The following KRT1 variants were observed in gnomAD, a reference collection of about 807,000 sequenced individuals.
The protein encoded by KRT1 is keratin 1, also known as keratin, type II cytoskeletal 1.
Under a neutral mutation model 51.6 loss-of-function variants are expected in KRT1, and 28 were observed. The observed-to-expected ratio is 0.54, with a 90% CI of 0.40 to 0.74. KRT1 has a LOEUF of 0.74. Ranked by LOEUF, KRT1 falls within the 30% of genes least tolerant of loss-of-function variation. KRT1 has a pLI of 0.00. For missense variants in KRT1, 783 were observed against 815.5 expected (o/e 0.96, Z 0.49); for synonymous variants, 301 against 307.7 (o/e 0.98, Z 0.23).
rs139428176 is a variant in KRT1, at chr12:52,677,462, T to A, written c.982A>T (p.Thr328Ser). The A allele has an allele frequency of 1.8e-3, 2,881 of 1,614,172 alleles. 11 individuals carry two copies. The highest frequency in any genetic ancestry group is 2.1e-3 in the Non-Finnish European group (2,485 of 1,180,040). ...ATGACATTAGTTTCACTGATTTGAGTCTGCATCTGAGACAACTCCTGCAAG... is the reference window on the plus strand; with the variant it reads ...ATGACATTAGTTTCACTGATTTGAGACTGCATCTGAGACAACTCCTGCAAG... ...LYQAELSQMQ[T>S]QISETNVILS... The change falls in exon 5 of 9, where the codon ACT becomes TCT. Residue 328 changes from threonine (T) to serine (S), a missense_variant. By Grantham distance (58) the Thr-to-Ser change is moderately conservative. Transcript: ENST00000252244.
At chr12:52,676,574 G>A (rs1941507221) in intron 6 of KRT1, 79 bp from the exon 7 acceptor site, 24 of 1,421,178 alleles carry the variant, frequency 1.7e-5, no homozygotes, top group Middle Eastern at 4.1e-4. Context: ...CCCCACTCCA[G>A]TGAGGCCAAT....
At position 52,676,383 on chromosome 12, in the gene KRT1, T is replaced by C. The variant is rs1565646760; in HGVS notation, c.1367A>G (p.Glu456Gly). 2 of 1,614,162 alleles carry C rather than the reference T, an allele frequency of 1.2e-6. No homozygotes were observed. Among genetic ancestry groups the C allele is most frequent in the Non-Finnish European group, 1.7e-6 (2 of 1,179,982 alleles). Reference sequence around the variant, plus strand: ...GTCGCGCAGCAGGCGGGCCAGGTCTTCCTTGGCCTGCTGCAGGGCATCCTC... The same window carrying C: ...GTCGCGCAGCAGGCGGGCCAGGTCTCCCTTGGCCTGCTGCAGGGCATCCTC... ...DLEDALQQAK[E>G]DLARLLRDYQ... Residue 456 changes from glutamate to glycine, a missense_variant, in exon 7 of 9, where the codon GAA becomes GGA. Transcript: ENST00000252244.
Position 52,677,666 on chromosome 12 carries a change from G to A in KRT1, c.947C>T (p.Thr316Ile). The A allele has an allele frequency of 1.2e-6, 2 of 1,614,176 alleles. No homozygotes were observed. The highest frequency in any genetic ancestry group is 2.2e-5 in the East Asian group (1 of 44,884). ...DNLQQEIDFLTALYQAELSQM... is the reference protein window; with the variant it reads ...DNLQQEIDFLIALYQAELSQM... The stretch of plus-strand genomic sequence containing the variant: ...AAGACTTACTGCTTGGTAGAGTGCT[G>A]TAAGGAAATCAATTTCCTGCTGCAA... Residue 316 changes from threonine (T) to isoleucine (I), a missense_variant, in exon 4 of 9, where the codon ACA becomes ATA. Thr to Ile is a moderately conservative substitution (Grantham distance 89). Coordinates refer to ENST00000252244, the MANE Select transcript of KRT1 (RefSeq NM_006121.4).
rs886049636 is a variant in KRT1 at position 52,679,975 on chromosome 12, C to T, written c.374G>A (p.Gly125Asp). ...GCCACCTCCACCAAAACCACCACCA[C>T]CACTGCCAAAACCACCAAAGCCACC... ...GGGGFGGFGS[G>D]GGGFGGGGFG... Residue 125 changes from glycine (G) to aspartate (D), a missense_variant, in exon 1 of 9, where the codon GGT becomes GAT. Transcript: ENST00000252244. The T allele has an allele frequency of 3.1e-6, 5 of 1,609,358 alleles. No individual in the cohort carries two copies. The highest frequency in any genetic ancestry group is 1.7e-5 in the Admixed American group (1 of 58,992).
At position 52,676,315 on chromosome 12, in the gene KRT1, T is replaced by C. The variant is rs61218439; in HGVS notation, c.1435A>G (p.Ile479Val). 6.8e-6 allele frequency: 11 copies of C among 1,613,972 alleles called. No homozygotes were observed. The highest frequency in any genetic ancestry group is 9.3e-6 in the Non-Finnish European group (11 of 1,180,016). Reference sequence around the variant, plus strand: ...TCCAGGAGGGTCCTGTAGGTGGCAATCTCCAGATCCAGGGCCAGCTTTGTG... The same window carrying C: ...TCCAGGAGGGTCCTGTAGGTGGCAACCTCCAGATCCAGGGCCAGCTTTGTG... ...MNTKLALDLE[I>V]ATYRTLLEGE... Residue 479 changes from isoleucine to valine, a missense_variant, in exon 7 of 9, where the codon ATT (isoleucine) becomes GTT (valine). Physicochemically the swap from Ile to Val is conservative, Grantham distance 29. Coordinates refer to ENST00000252244, the MANE Select transcript of KRT1 (RefSeq NM_006121.4).
Position 52,680,231 on chromosome 12 carries a change from C to G in KRT1, c.118G>C (p.Gly40Arg), listed in dbSNP as rs1941566032. Residue 40 changes from glycine to arginine, a missense_variant, in exon 1 of 9, where the codon GGA (glycine) becomes CGA (arginine). Gly to Arg is a moderately radical substitution (Grantham distance 125). Coordinates refer to ENST00000252244, the MANE Select transcript of KRT1 (RefSeq NM_006121.4). ...CTTGAAAATCTCCCACCACCTCCTC[C>G]ACTGCGGCGTGTGGAGCTGCTGGTG... ...RTTSSSTRRS[G>R]GGGGRFSSCG... 1.2e-6 allele frequency: 2 copies of G among 1,614,078 alleles called. No homozygotes were observed.
Position 52,679,959 on chromosome 12 carries a change from ACCAAAACCACCACCACCACTG to A in KRT1, c.369_389del (p.Ser124_Gly130del), listed in dbSNP as rs780301845. On this transcript the variant is annotated inframe_deletion, in exon 1 of 9. Transcript: ENST00000252244. ...ATCCACCACCCCCAAAGCCACCTCCACCAAAACCACCACCACCACTGCCAAAACCACCAAAGCCACCACCCC... is the reference window on the plus strand; with the variant it reads ...ATCCACCACCCCCAAAGCCACCTCCACCAAAACCACCAAAGCCACCACCCC... 5.6e-6 allele frequency: 9 copies of A among 1,611,528 alleles called. No homozygotes were observed. The highest frequency in any genetic ancestry group is 1.7e-4 in the Middle Eastern group (1 of 6,054).
In KRT1 at chr12:52,675,216, T is replaced by A. The variant is rs140098565; in HGVS notation, c.1912A>T (p.Thr638Ser). 4.3e-6 allele frequency: 7 copies of A among 1,613,844 alleles called. No individual in the cohort carries two copies. Among genetic ancestry groups the A allele is most frequent in the Non-Finnish European group, 5.1e-6 (6 of 1,180,030 alleles). ...CTTTATCTGGTTACTCCGGAATAAGTGGTAGAAACAAACTTCACGCTGGAA... is the reference window on the plus strand; with the variant it reads ...CTTTATCTGGTTACTCCGGAATAAGAGGTAGAAACAAACTTCACGCTGGAA... ...GSSSVKFVST[T>S]YSGVTR The change falls in exon 9 of 9, where the codon ACT becomes TCT. Residue 638 changes from threonine to serine, a missense_variant. Thr to Ser is a moderately conservative substitution (Grantham distance 58). Coordinates refer to ENST00000252244, the MANE Select transcript of KRT1 (RefSeq NM_006121.4).
intron 3 of KRT1, 109 bp downstream of exon 3, chr12:52,678,054 A>G: frequency 9.7e-7 from 1 of 1,029,094 alleles, no homozygotes; most frequent in South Asian, 1.3e-5. Flanking sequence ...TATACTCCCC[A>G]GGTCTACTAC....
In KRT1 at chr12:52,674,852, A is replaced by G; in HGVS notation, c.*341T>C. On this transcript the variant is annotated 3_prime_UTR_variant, in exon 9 of 9. Coordinates refer to ENST00000252244, the MANE Select transcript of KRT1 (RefSeq NM_006121.4). ...TACAAAACCAAAACAGCACAGAGAT[A>G]AGATGCTAAGGAGCTGTCCACACCC... 4.4e-6 allele frequency: 2 copies of G among 452,504 alleles called. No homozygotes were observed. Among genetic ancestry groups the G allele is most frequent in the South Asian group, 2.5e-5 (1 of 40,754 alleles). 28.0% of individuals were successfully genotyped at this position (452,504 alleles called of 1,614,324 possible). A position where few individuals can be genotyped will look rare whatever the true frequency, so the allele number is the denominator to read the frequency against.
rs1254049319 is a variant in KRT1 at position 52,674,781 on chromosome 12, T to A, written c.*412A>T. 2 of 273,136 alleles carry A rather than the reference T, an allele frequency of 7.3e-6. No homozygotes were observed. The highest frequency in any genetic ancestry group is 5.2e-5 in the South Asian group (1 of 19,160). The allele number at this position is 273,136 out of a possible 1,614,324, so 16.9% of individuals were successfully genotyped here. ...TGCAGCAAAACAAGGAAATGGGGAGTTTAAGACCTCTCCACAAAAGAAAAA... is the reference window on the plus strand; with the variant it reads ...TGCAGCAAAACAAGGAAATGGGGAGATTAAGACCTCTCCACAAAAGAAAAA... On this transcript the variant is annotated 3_prime_UTR_variant, in exon 9 of 9. Transcript: ENST00000252244.
In KRT1 at chr12:52,675,609, T is replaced by C; in HGVS notation, c.1519A>G (p.Thr507Ala). The change falls in exon 9 of 9, where the codon ACA (threonine) becomes GCA (alanine). Residue 507 changes from threonine (T) to alanine (A), a missense_variant. Transcript: ENST00000252244. ...CAPNVSVSVSTSHTTISGGGS... is the reference protein window; with the variant it reads ...CAPNVSVSVSASHTTISGGGS... ...CCTCCACTGATGGTGGTGTGGCTTG[T>C]GCTCACAGCTGCAAGAGGAAGCTCA... The C allele has an allele frequency of 6.2e-7, 1 of 1,614,144 alleles. No homozygotes were observed. The highest frequency in any genetic ancestry group is 8.5e-7 in the Non-Finnish European group (1 of 1,180,002).
At position 52,675,364 on chromosome 12, in the gene KRT1, T is replaced by C. The variant is rs748720674; in HGVS notation, c.1764A>G (p.Arg588=). The C allele has an allele frequency of 6.2e-7, 1 of 1,606,798 alleles. No individual in the cohort carries two copies. The highest frequency in any genetic ancestry group is 1.1e-5 in the South Asian group (1 of 90,778). Residue 588 remains arginine, a synonymous_variant, in exon 9 of 9, where the codon AGA becomes AGG. Coordinates refer to ENST00000252244, the MANE Select transcript of KRT1 (RefSeq NM_006121.4). ...YGSGSSSGGY[R]GGSGGGGGGS... ...CGCCGCCGCCGCCTCCAGAGCCACCTCTGTAGCCCCCACTGCTGCTTCCGG... is the reference window on the plus strand; with the variant it reads ...CGCCGCCGCCGCCTCCAGAGCCACCCCTGTAGCCCCCACTGCTGCTTCCGG...
At chr12:52,676,937 C>T in intron 6 of KRT1, 122 bp downstream of exon 6, 5 of 1,327,834 alleles carry the variant, frequency 3.8e-6, no homozygotes, top group Non-Finnish European at 5.3e-6. Flanking sequence ...ACAAAAGGAA[C>T]CAGGGATAAT....
Position 52,675,112 on chromosome 12 carries a change from C to A in KRT1, c.*81G>T. On this transcript the variant is annotated 3_prime_UTR_variant, in exon 9 of 9. Transcript: ENST00000252244. ...GCTCTTTTCTCCGGTAAGGCTGGGA[C>A]AAATCGACCTCGGTCTTGCCAAGCA... 1 of 1,556,992 alleles carries A rather than the reference C, an allele frequency of 6.4e-7. No individual in the cohort carries two copies. The highest frequency in any genetic ancestry group is 8.9e-7 in the Non-Finnish European group (1 of 1,129,672).
In KRT1 at chr12:52,677,402, C is replaced by A; in HGVS notation, c.1042G>T (p.Asp348Tyr). 6.2e-7 allele frequency: 1 copy of A among 1,614,210 alleles called. No homozygotes were observed. Among genetic ancestry groups the A allele is most frequent in the Non-Finnish European group, 8.5e-7 (1 of 1,180,048 alleles). Residue 348 changes from aspartate (D) to tyrosine (Y), a missense_variant, in exon 5 of 9, where the codon GAC becomes TAC. Asp to Tyr is a radical substitution (Grantham distance 160, BLOSUM62 -3). Transcript: ENST00000252244. The stretch of plus-strand genomic sequence containing the variant: ...GCCTTGACCTCAGCAATGATGCTGT[C>A]CAGGTCGAGACTGCGGTTGTTGTCC... ...SMDNNRSLDL[D>Y]SIIAEVKAQY...
chr12:52,678,727 T>C lies in KRT1; in HGVS notation c.621A>G (p.Val207=), dbSNP rs543421466. The change falls in exon 2 of 9, where the codon GTA becomes GTG. Residue 207 remains valine (V), a synonymous_variant. Coordinates refer to ENST00000252244, the MANE Select transcript of KRT1 (RefSeq NM_006121.4). ...KVRFLEQQNQ[V]LQTKWELLQQ... is the part of the protein sequence containing the mutation. ...GCAGCAGCTCCCATTTTGTTTGCAG[T>C]ACCTGGTTCTGCTGCTCCAGGAACC... The C allele has an allele frequency of 6.2e-7, 1 of 1,614,184 alleles. No homozygotes were observed. Among genetic ancestry groups the C allele is most frequent in the Non-Finnish European group, 8.5e-7 (1 of 1,180,028 alleles).
chr12:52,676,598 G>C, intron 6 of KRT1, 103 bp from the exon 7 acceptor site: 1 of 1,159,452 alleles, frequency 8.6e-7, no homozygotes, highest in Non-Finnish European at 1.3e-6. Context: ...GAGTCCAACA[G>C]AACCACTTGG....
chr12:52,676,955 C>T (rs1941514969), intron 6 of KRT1, 104 bp downstream of exon 6: 1 of 1,441,510 alleles, frequency 6.9e-7, no homozygotes, highest in African/African-American at 1.4e-5. Flanking sequence ...AATAATGTAG[C>T]CTTGGGATGA....
Sources: allele counts gnomAD v4.1 joint callset, GRCh38; gene constraint gnomAD v4.1.1; transcripts MANE v1.5; gene names NCBI Gene and HGNC (gene_info 2026-07-23, HGNC 2026-07-21).